The following SLC29A3 variants were observed in gnomAD, a reference collection of about 807,000 sequenced individuals.
The protein encoded by SLC29A3 is equilibrative nucleoside transporter 3.
A neutral mutation model predicts 25.4 loss-of-function variants in SLC29A3; 18 were observed. That is an observed-to-expected ratio of 0.71 (90% CI 0.49 to 1.05). SLC29A3 has a LOEUF of 1.05. SLC29A3 is among the 50% of genes least tolerant of loss of function. The probability of loss-of-function intolerance (pLI) is 0.00; values close to 1 mark genes in which losing one functional copy is unlikely to be tolerated. For missense variants in SLC29A3, 586 were observed against 609.0 expected (o/e 0.96, Z 0.40); for synonymous variants, 258 against 267.1 (o/e 0.97, Z 0.33).
chr10:71,360,316 G>A (rs1396308386), intron 5 of SLC29A3, among the ~76,000 whole-genome samples: 1 of 151,786 alleles, frequency 6.6e-6, no homozygotes, highest in East Asian at 1.9e-4. Flanking sequence ...GCTAATTTTT[G>A]TATTTTTAGT....
intron 3 of SLC29A3, among the ~76,000 whole-genome samples, chr10:71,372,299 T>G (rs375870488): frequency 7.2e-5 from 11 of 152,356 alleles, no homozygotes; most frequent in African/African-American, 2.6e-4. Context: ...AGGATTATTA[T>G]CCCCATTTTA....
chr10:71,367,276 A>G (rs1234980133), downstream of SLC29A3, among the ~76,000 whole-genome samples: 1 of 152,128 alleles, frequency 6.6e-6, no homozygotes, highest in Non-Finnish European at 1.5e-5. Context: ...TGACCCCTGC[A>G]TGGCTCGCTG....
chr10:71,337,752 G>T (rs16928722), intron 2 of SLC29A3, among the ~76,000 whole-genome samples: 8,585 of 152,276 alleles, frequency 0.056, 367 homozygotes, highest in East Asian at 0.22. Flanking sequence ...CCTGCCCGAA[G>T]AAACCTCTTT....
At chr10:71,358,342 A>T (rs809691) in intron 5 of SLC29A3, among the ~76,000 whole-genome samples, 96,789 of 152,012 alleles carry the variant, frequency 0.64, 31,207 homozygotes, top group Middle Eastern at 0.69. Flanking sequence ...TCCCCAGCTA[A>T]AGGATTCTTC....
intron 2 of SLC29A3, among the ~76,000 whole-genome samples, chr10:71,334,945 T>C (rs1846207313): frequency 7.6e-6 from 1 of 131,252 alleles, no homozygotes; most frequent in Admixed American, 7.6e-5. Flanking sequence ...TGCTGTTGAC[T>C]CTTTTTTTTT....
chr10:71,354,158 G>T (rs1422572510), intron 4 of SLC29A3, among the ~76,000 whole-genome samples: 1 of 152,196 alleles, frequency 6.6e-6, no homozygotes, highest in Non-Finnish European at 1.5e-5. Context: ...GATTTGTTTG[G>T]TATTTGGCAC....
downstream of SLC29A3, among the ~76,000 whole-genome samples, chr10:71,363,965 C>T (rs1216117057): frequency 6.6e-6 from 1 of 151,948 alleles, no homozygotes. Context: ...AGTAATAGGC[C>T]ATTCCAGCTC....
intron 5 of SLC29A3, among the ~76,000 whole-genome samples, chr10:71,357,275 C>T (rs1197950166): frequency 3.3e-5 from 5 of 152,102 alleles, no homozygotes; most frequent in Admixed American, 6.5e-5. Context: ...ATTAGCCGGG[C>T]ATGGTGGCGG....
chr10:71,322,273 T>A (rs555779777), intron 1 of SLC29A3, among the ~76,000 whole-genome samples: 18 of 152,270 alleles, frequency 1.2e-4, no homozygotes, highest in Non-Finnish European at 2.6e-4. Flanking sequence ...TTTACACACA[T>A]AGTAGCATAT....
chr10:71,378,781 G>A (rs115019253), intron 4 of SLC29A3, among the ~76,000 whole-genome samples: 2,376 of 152,260 alleles, frequency 0.016, 67 homozygotes, highest in African/African-American at 0.055. Flanking sequence ...TTGAGCTCCC[G>A]TTGTCTACAA....
At chr10:71,344,707 A>G (rs745576124) in intron 3 of SLC29A3, among the ~76,000 whole-genome samples, 24 of 152,224 alleles carry the variant, frequency 1.6e-4, no homozygotes, top group Non-Finnish European at 3.2e-4. Context: ...AAGTTCCAAC[A>G]TTGTAATGGT....
chr10:71,325,916 T>C lies in SLC29A3; in HGVS notation c.300+2862T>C, dbSNP rs1370174829. 9.6e-5 allele frequency among the ~76,000 whole-genome samples: 4 copies of C among 41,848 alleles called. No homozygotes were observed. In the East Asian group the frequency reaches 1.3e-3, roughly 14 times the overall value. 27.5% of individuals were successfully genotyped at this position (41,848 alleles called of 152,430 possible). ...TCATATTTCTGGACTATATTAGTACTTTTTTTTTTTTTTTTTTTGAGACAG... is the reference window on the plus strand; with the variant it reads ...TCATATTTCTGGACTATATTAGTACCTTTTTTTTTTTTTTTTTTGAGACAG... On this transcript the variant is annotated intron_variant, in intron 2 of 5. Coordinates refer to ENST00000373189, the MANE Select transcript of SLC29A3 (RefSeq NM_018344.6).
intron 4 of SLC29A3, among the ~76,000 whole-genome samples, chr10:71,352,291 A>G (rs1027551063): frequency 6.6e-6 from 1 of 152,186 alleles, no homozygotes; most frequent in African/African-American, 2.4e-5. Flanking sequence ...TGCCATAGCC[A>G]TAAGCTCACC....
intron 4 of SLC29A3, among the ~76,000 whole-genome samples, chr10:71,379,258 G>A (rs993025517): frequency 6.6e-6 from 1 of 152,230 alleles, no homozygotes; most frequent in African/African-American, 2.4e-5. Flanking sequence ...AGCGTTAAAT[G>A]AAAATTGTAG....
At position 71,376,118 on chromosome 10, in the gene SLC29A3, G is replaced by A. The variant is rs556675910; in HGVS notation, c.*211+307G>A. On this transcript the variant is annotated intron_variant and NMD_transcript_variant, in intron 4 of 4. Coordinates refer to the SLC29A3 transcript ENST00000642772. ...TTTTAAGGACTTGAAACTCCAGGGA[G>A]TGGTGGAAACAAACTCCAGATTGTT... Among the ~76,000 whole-genome samples, 23 of 152,342 alleles carry A rather than the reference G, an allele frequency of 1.5e-4. 1 individual carries two copies. The highest frequency in any genetic ancestry group is 1.4e-3 in the South Asian group (7 of 4,828).
At chr10:71,354,559 G>A (rs984497367) in intron 4 of SLC29A3, among the ~76,000 whole-genome samples, 5 of 152,176 alleles carry the variant, frequency 3.3e-5, no homozygotes, top group Admixed American at 2.6e-4. Context: ...CGGTGGACGG[G>A]GCCTGACTGT....
At chr10:71,370,413 A>G (rs918215827) in intron 3 of SLC29A3, among the ~76,000 whole-genome samples, 49 of 152,242 alleles carry the variant, frequency 3.2e-4, no homozygotes, top group Admixed American at 7.9e-4. Context: ...GGCTACTGTA[A>G]ACCAGCTGGC....
intron 3 of SLC29A3, among the ~76,000 whole-genome samples, chr10:71,347,325 C>T (rs537123660): frequency 3.9e-5 from 6 of 152,190 alleles, no homozygotes; most frequent in South Asian, 2.1e-4. Context: ...GTCAGGGAGT[C>T]GGGGGACCGG....
Position 71,352,556 on chromosome 10 carries a change from TG to T in SLC29A3, c.610+769del, listed in dbSNP as rs372257026. 5.4e-3 allele frequency: 830 copies of T among 152,858 alleles called. 22 individuals carry two copies. Among genetic ancestry groups the T allele is most frequent in the South Asian group, 0.021 (101 of 4,818 alleles). 9.5% of individuals were successfully genotyped at this position (152,858 alleles called of 1,614,324 possible). ...CTTCCTTCTGTCTTTTCTTCCTTTC[TG>T]ATTTTATAGAGGACCTGCTATGTCC... is the stretch of plus-strand genomic sequence containing the variant. On this transcript the variant is annotated intron_variant, in intron 4 of 5. Coordinates refer to ENST00000373189, the MANE Select transcript of SLC29A3 (RefSeq NM_018344.6).
Sources: gnomAD v4.1 joint callset for allele counts (sites outside exome capture counted in the v4.1 genomes callset) on GRCh38, gnomAD v4.1.1 for gene constraint, MANE v1.5 for transcripts, NCBI Gene and HGNC (gene_info 2026-07-23, HGNC 2026-07-21) for gene names.